SLC66A1: variants seen among roughly 807,000 people sequenced by gnomAD.
SLC66A1 encodes the protein solute carrier family 66 member 1.
Under a neutral mutation model 33.0 loss-of-function variants are expected in SLC66A1, and 23 were observed. That is an observed-to-expected ratio of 0.70 (90% confidence interval 0.50 to 0.99). The LOEUF is 0.99. SLC66A1 is among the 50% of genes least tolerant of loss of function. The pLI is 0.00. For missense variants in SLC66A1, 335 were observed against 383.6 expected (o/e 0.87, Z 1.06); for synonymous variants, 164 against 175.5 (o/e 0.93, Z 0.52).
At chr1:19,331,824 G>A, downstream of SLC66A1, among the ~76,000 whole-genome samples, 1 of 152,208 alleles carries the variant, frequency 6.6e-6, no homozygotes, top group East Asian at 1.9e-4. Context: ...AGAGTGAGAT[G>A]GGATAACATA....
At position 19,327,266 on chromosome 1, in the gene SLC66A1, T is replaced by C; in HGVS notation, c.658T>C (p.Phe220Leu). ...KSTQGISYSL[F>L]ALVMLGNTLY... ...CACCCAGGGGATCTCCTACTCTCTG[T>C]TCGCGCTGGTGATGCTGGGGAACAC... is the stretch of plus-strand genomic sequence containing the variant. Residue 220 changes from phenylalanine to leucine, a missense_variant, in exon 7 of 8, where the codon TTC becomes CTC. Transcript: ENST00000375153. 2 of 1,613,936 alleles carry C rather than the reference T, an allele frequency of 1.2e-6. No homozygotes were observed. Among genetic ancestry groups the C allele is most frequent in the Non-Finnish European group, 1.7e-6 (2 of 1,179,922 alleles).
At chr1:19,331,569 G>A (rs1002433584), downstream of SLC66A1, among the ~76,000 whole-genome samples, 9 of 152,238 alleles carry the variant, frequency 5.9e-5, no homozygotes, top group Admixed American at 4.6e-4. Context: ...CCTGAATAGC[G>A]ACTTTGCTGA....
intron 1 of SLC66A1, among the ~76,000 whole-genome samples, chr1:19,315,581 C>T (rs1387347976): frequency 6.6e-6 from 1 of 152,192 alleles, no homozygotes; most frequent in African/African-American, 2.4e-5. Flanking sequence ...GCCCAGGCCT[C>T]CTGACACAAG....
At chr1:19,326,667 C>T (rs377612793) in intron 6 of SLC66A1, 44 bp downstream of exon 6, 8 of 1,588,740 alleles carry the variant, frequency 5.0e-6, no homozygotes, top group Non-Finnish European at 6.9e-6. Context: ...TAGAGGAGAG[C>T]TGGCCTGGCC....
intron 4 of SLC66A1, 152 bp downstream of exon 4, chr1:19,325,734 C>A: frequency 2.8e-6 from 2 of 704,536 alleles, no homozygotes; most frequent in South Asian, 1.8e-5. Context: ...TATCTAAGAG[C>A]CTGAGCCTTA....
Position 19,327,441 on chromosome 1 carries a change from G to A in SLC66A1, c.804+29G>A, listed in dbSNP as rs767404571. 2.7e-5 allele frequency: 42 copies of A among 1,569,624 alleles called. No individual in the cohort carries two copies. In the South Asian group the frequency reaches 4.8e-4, roughly 18 times the overall value. Reference sequence around the variant, plus strand: ...TCCTTCAGGGCGTGTGGGGCAGGTGGCGGGGTGTGGGCAAGGAAGCTTCTG... The same window carrying A: ...TCCTTCAGGGCGTGTGGGGCAGGTGACGGGGTGTGGGCAAGGAAGCTTCTG... On this transcript the variant is annotated intron_variant, in intron 7 of 7. Transcript: ENST00000375153.
chr1:19,327,966 C>A (rs893144645), intron 7 of SLC66A1: 1 of 258,958 alleles, frequency 3.9e-6, no homozygotes, highest in Non-Finnish European at 7.7e-6. Flanking sequence ...AGCTGTGTGA[C>A]GCAGGGCACA....
intron 1 of SLC66A1, chr1:19,313,220 TGTTCCAGA>T (rs2151993836): frequency 1.0e-6 from 1 of 985,450 alleles, no homozygotes; most frequent in East Asian, 1.1e-4. Flanking sequence ...CGGGCAGGTC[TGTTCCAGA>T]GTGCTTTTCT....
In SLC66A1 at chr1:19,315,759, C is replaced by T. The variant is rs2073099; in HGVS notation, c.-78-1841C>T. Among the ~76,000 whole-genome samples, 1,406 of 152,302 alleles carry T rather than the reference C, an allele frequency of 9.2e-3. 60 individuals are homozygous for T. The East Asian group carries it at 0.14, about 15-fold the overall frequency. Reference sequence around the variant, plus strand: ...CTCTCCCTCTCTCTCTCTCGAGCCACAGAAGTCTTCTGCTTCGCTGGTGAC... The same window carrying T: ...CTCTCCCTCTCTCTCTCTCGAGCCATAGAAGTCTTCTGCTTCGCTGGTGAC... On this transcript the variant is annotated intron_variant, in intron 1 of 7. Transcript: ENST00000375153.
At chr1:19,317,305 CTGAG>C (rs982387970) in intron 1 of SLC66A1, among the ~76,000 whole-genome samples, 2 of 152,192 alleles carry the variant, frequency 1.3e-5, no homozygotes, top group Non-Finnish European at 2.9e-5. Flanking sequence ...CACAGAAAGG[CTGAG>C]TCTTTGCCCA....
rs2093842145 is a variant in SLC66A1 at position 19,322,357 on chromosome 1, T to G, written c.165-2276T>G. On this transcript the variant is annotated intron_variant, in intron 2 of 7. Coordinates refer to ENST00000375153, the MANE Select transcript of SLC66A1 (RefSeq NM_001040125.2). The stretch of plus-strand genomic sequence containing the variant: ...TGGAGGCCTGGGAGAGAGCCCTAAG[T>G]GATGGAGAGAGGGTGGCTGCCCCCC... Among the ~76,000 whole-genome samples, 3 of 151,970 alleles carry G rather than the reference T, an allele frequency of 2.0e-5. No homozygotes were observed. In the South Asian group the frequency reaches 6.2e-4, roughly 31 times the overall value.
intron 1 of SLC66A1, among the ~76,000 whole-genome samples, chr1:19,314,579 G>A (rs2093795428): frequency 1.3e-5 from 2 of 152,220 alleles, no homozygotes; most frequent in Non-Finnish European, 2.9e-5. Context: ...TCAGGCACAG[G>A]GCTGAGAGCT....
intron 2 of SLC66A1, among the ~76,000 whole-genome samples, chr1:19,324,232 G>A (rs966319572): frequency 6.6e-6 from 1 of 152,248 alleles, no homozygotes. Flanking sequence ...CACTGTTCTT[G>A]TTGCAATGCC....
At chr1:19,315,569 G>T (rs2093800512) in intron 1 of SLC66A1, among the ~76,000 whole-genome samples, 1 of 152,212 alleles carries the variant, frequency 6.6e-6, no homozygotes, top group African/African-American at 2.4e-5. Context: ...ACTAGCTGGG[G>T]AGCCCAGGCC....
chr1:19,326,635 G>C lies in SLC66A1; in HGVS notation c.618+12G>C. 6.2e-7 allele frequency: 1 copy of C among 1,613,420 alleles called. No homozygotes were observed. Among genetic ancestry groups the C allele is most frequent in the Non-Finnish European group, 8.5e-7 (1 of 1,179,380 alleles). On this transcript the variant is annotated intron_variant, in intron 6 of 7. Transcript: ENST00000375153. ...AGATCCGCACCAACGTGAGCCTCCA[G>C]CAGGGGCTGGGTGGGGCCGAGTAGA...
intron 1 of SLC66A1, among the ~76,000 whole-genome samples, chr1:19,315,727 C>CCTCCCTCT (rs890412299): frequency 5.3e-5 from 8 of 152,138 alleles, no homozygotes; most frequent in Admixed American, 6.5e-5. Flanking sequence ...TCTCTCTCTC[C>CCTCCCTCT]CTCCCTCTCT....
chr1:19,316,721 C>G (rs1032724853), intron 1 of SLC66A1, among the ~76,000 whole-genome samples: 5 of 151,732 alleles, frequency 3.3e-5, no homozygotes, highest in African/African-American at 9.7e-5. Flanking sequence ...GGCTGGAGTG[C>G]ATTGGTGTGA....
chr1:19,320,054 G>C (rs1261904264), intron 2 of SLC66A1, among the ~76,000 whole-genome samples: 1 of 151,212 alleles, frequency 6.6e-6, no homozygotes, highest in Non-Finnish European at 1.5e-5. Flanking sequence ...GCGCCACCAT[G>C]CCTGGCTAAT....
chr1:19,315,769 C>T (rs2093801803), intron 1 of SLC66A1, among the ~76,000 whole-genome samples: 1 of 152,218 alleles, frequency 6.6e-6, no homozygotes, highest in Non-Finnish European at 1.5e-5. Context: ...CAGAAGTCTT[C>T]TGCTTCGCTG....
Sources: gnomAD v4.1 joint callset for allele counts (sites outside exome capture counted in the v4.1 genomes callset) on GRCh38, gnomAD v4.1.1 for gene constraint, MANE v1.5 for transcripts, NCBI Gene and HGNC (gene_info 2026-07-23, HGNC 2026-07-21) for gene names.